Variants in ZNF484 observed in about 807,000 individuals in gnomAD.
ZNF484 encodes KRAB box containing C2H2 type zinc finger bA526D8.4.
In ZNF484, 11 loss-of-function variants were observed where a neutral mutation model predicts 12.9. The ratio of observed to expected loss-of-function variants is 0.85; its 90% CI spans 0.54 to 1.41. ZNF484 has a LOEUF of 1.41. ZNF484 is among the 40% of genes most tolerant of loss of function. ZNF484 has a pLI of 0.00. For missense variants in ZNF484, 807 were observed against 1,007.7 expected (o/e 0.80, Z 2.70); for synonymous variants, 289 against 334.1 (o/e 0.86, Z 1.47).
At chr9:92,859,090 C>T (rs920197190) in intron 2 of ZNF484, among the ~76,000 whole-genome samples, 6 of 152,064 alleles carry the variant, frequency 3.9e-5, no homozygotes, top group Admixed American at 3.3e-4. Flanking sequence ...TGCACCACTG[C>T]ACACCAGCCT....
chr9:92,859,728 G>C (rs1856668286), intron 2 of ZNF484, among the ~76,000 whole-genome samples: 2 of 152,082 alleles, frequency 1.3e-5, no homozygotes, highest in African/African-American at 4.8e-5. Context: ...CCACCCTCAG[G>C]TTCCACAATT....
At position 92,847,836 on chromosome 9, in the gene ZNF484, G is replaced by A. The variant is rs763297922; in HGVS notation, c.951C>T (p.Asn317=). The change falls in exon 5 of 5, where the codon AAC becomes AAT. Residue 317 remains asparagine, a synonymous_variant. Coordinates refer to ENST00000375495, the MANE Select transcript of ZNF484 (RefSeq NM_031486.4). ...TCCCCTCATAAGGAGTTTTCTGACG[G>A]TTTGACTTGAGGGAAAAATCCTTCT... ...EYEKDFSLKS[N]RQKTPYEGNY... 6.2e-7 allele frequency: 1 copy of A among 1,614,094 alleles called. No homozygotes were observed. Among genetic ancestry groups the A allele is most frequent in the East Asian group, 2.2e-5 (1 of 44,882 alleles).
At chr9:92,877,858 C>T in intron 1 of ZNF484, 32 bp downstream of exon 1, 2 of 1,535,826 alleles carry the variant, frequency 1.3e-6, no homozygotes, top group South Asian at 1.2e-5. Context: ...TCTTCTTGCT[C>T]AGTCCACAGA....
chr9:92,845,053 CATATGT>C lies in ZNF484; in HGVS notation c.*1169_*1174del, dbSNP rs1195301204. On this transcript the variant is annotated 3_prime_UTR_variant, in exon 5 of 5. Transcript: ENST00000375495. This position sits in a 1 kb window ranked among gnomAD's most constrained non-coding sequence, Gnocchi z 4.0. ...TACTAATTTACATTAGCTTTTAATC[CATATGT>C]ATATTAGTATCTGACATAGTACATT... 3.3e-5 allele frequency: 5 copies of C among 151,970 alleles called. No individual in the cohort carries two copies. The allele number at this position is 151,970 out of a possible 1,614,324, so 9.4% of individuals were successfully genotyped here. A position where few individuals can be genotyped will look rare whatever the true frequency, so the allele number is the denominator to read the frequency against.
In ZNF484 at chr9:92,847,230, A is replaced by G. The variant is rs753179634; in HGVS notation, c.1557T>C (p.Thr519=). 6.2e-7 allele frequency: 1 copy of G among 1,614,154 alleles called. No individual in the cohort carries two copies. Among genetic ancestry groups the G allele is most frequent in the Non-Finnish European group, 8.5e-7 (1 of 1,180,010 alleles). ...SNLIKHQKIH[T]GEKPYKCSDC... ...CGCTGCATTTATAAGGTTTCTCTCCAGTATGAATTTTTTGGTGCTTAATGA... is the reference window on the plus strand; with the variant it reads ...CGCTGCATTTATAAGGTTTCTCTCCGGTATGAATTTTTTGGTGCTTAATGA... Residue 519 remains threonine (T), a synonymous_variant, in exon 5 of 5, where the codon ACT becomes ACC. Transcript: ENST00000375495.
Position 92,847,484 on chromosome 9 carries a change from T to G in ZNF484, c.1303A>C (p.Thr435Pro). The change falls in exon 5 of 5, where the codon ACT (threonine) becomes CCT (proline). Residue 435 changes from threonine to proline, a missense_variant. By Grantham distance (38) the Thr-to-Pro change is conservative. Coordinates refer to ENST00000375495, the MANE Select transcript of ZNF484 (RefSeq NM_031486.4). ...CTGCATTCATAGGGTTTTTCTCCAG[T>G]ATGAATTCTTTCATGTGTGATAAAA... Reference protein sequence around the residue: ...SHFITHERIHTGEKPYECSDC... With the variant: ...SHFITHERIHPGEKPYECSDC... 6.2e-7 allele frequency: 1 copy of G among 1,612,856 alleles called. No homozygotes were observed. The highest frequency in any genetic ancestry group is 1.1e-5 in the South Asian group (1 of 90,750).
At chr9:92,871,168 C>T (rs1857406403) in intron 2 of ZNF484, among the ~76,000 whole-genome samples, 1 of 151,874 alleles carries the variant, frequency 6.6e-6, no homozygotes, top group South Asian at 2.1e-4. Context: ...AAGTAGTCCT[C>T]ATAAAAATGT....
At chr9:92,861,010 G>A (rs2118033244) in intron 2 of ZNF484, among the ~76,000 whole-genome samples, 1 of 152,276 alleles carries the variant, frequency 6.6e-6, no homozygotes, top group South Asian at 2.1e-4. Context: ...AGCTTTCAGG[G>A]CTGAACTAGG....
chr9:92,846,485 G>A lies in ZNF484; in HGVS notation c.2302C>T (p.Arg768Ter), dbSNP rs147797657. The A allele has an allele frequency of 2.4e-5, 39 of 1,613,830 alleles. No individual in the cohort carries two copies. Among genetic ancestry groups the A allele is most frequent in the Middle Eastern group, 1.6e-4 (1 of 6,080 alleles). Reference protein sequence around the residue: ...IKKSQLHEHHRIHTGEKPYIC... With the variant: ...IKKSQLHEHH ...TATGGTTTCTCTCCTGTGTGAATTC[G>A]ATGATGCTCATGGAGTTGTGATTTC... The change falls in exon 5 of 5, where the codon CGA (arginine) becomes TGA (stop). Residue 768 changes from arginine to a stop codon, truncating the protein, a stop_gained. Transcript: ENST00000375495. LOFTEE classifies it low-confidence loss of function (END_TRUNC).
intron 2 of ZNF484, among the ~76,000 whole-genome samples, chr9:92,865,776 GCATGCGTCTATAGTCC>G (rs1344367859): frequency 6.6e-6 from 1 of 152,136 alleles, no homozygotes; most frequent in Non-Finnish European, 1.5e-5. Context: ...AGGCATGGTG[GCATGCGTCTATAGTCC>G]CAGCTACTTG....
chr9:92,875,806 G>A (rs1857766193), intron 1 of ZNF484, among the ~76,000 whole-genome samples: 1 of 151,968 alleles, frequency 6.6e-6, no homozygotes, highest in Non-Finnish European at 1.5e-5. Flanking sequence ...AACAAATCAG[G>A]GGAAATTCTT....
At chr9:92,867,812 C>A (rs1387549276) in intron 2 of ZNF484, among the ~76,000 whole-genome samples, 1 of 152,210 alleles carries the variant, frequency 6.6e-6, no homozygotes, top group African/African-American at 2.4e-5. Flanking sequence ...CTGTAATGAA[C>A]TATAAGCATG....
chr9:92,856,721 C>T (rs1856485728), intron 2 of ZNF484, among the ~76,000 whole-genome samples: 1 of 151,998 alleles, frequency 6.6e-6, no homozygotes, highest in African/African-American at 2.4e-5. Flanking sequence ...AAAATCAATA[C>T]ATGGTACACT....
chr9:92,847,586 T>C lies in ZNF484; in HGVS notation c.1201A>G (p.Met401Val). 6.2e-7 allele frequency: 1 copy of C among 1,614,208 alleles called. No homozygotes were observed. Among genetic ancestry groups the C allele is most frequent in the Non-Finnish European group, 8.5e-7 (1 of 1,180,040 alleles). ...TCTCCTGTATGGATTTTCTGATGCA[T>C]ACTTAGTGTTGATTTCCTTGTGAAA... The part of the protein sequence containing the change: ...KAFTRKSTLS[M>V]HQKIHTGEKP... Residue 401 changes from methionine to valine, a missense_variant, in exon 5 of 5, where the codon ATG (methionine) becomes GTG (valine). Coordinates refer to ENST00000375495, the MANE Select transcript of ZNF484 (RefSeq NM_031486.4).
At chr9:92,853,385 T>C (rs1443166995) in intron 4 of ZNF484, among the ~76,000 whole-genome samples, 1 of 152,246 alleles carries the variant, frequency 6.6e-6, no homozygotes, top group African/African-American at 2.4e-5. Flanking sequence ...ACATGCTACA[T>C]TGTATCTTGT....
intron 2 of ZNF484, among the ~76,000 whole-genome samples, chr9:92,869,865 C>T (rs1857328026): frequency 6.6e-6 from 1 of 152,120 alleles, no homozygotes; most frequent in South Asian, 2.1e-4. Context: ...CCACAAAGAA[C>T]AATTTGACTA....
intron 2 of ZNF484, among the ~76,000 whole-genome samples, chr9:92,868,004 C>T: frequency 6.6e-6 from 1 of 152,150 alleles, no homozygotes; most frequent in Non-Finnish European, 1.5e-5. Context: ...TCTGGAGGTT[C>T]TAAAGGAATA....
At chr9:92,866,070 C>A (rs528153570) in intron 2 of ZNF484, among the ~76,000 whole-genome samples, 1 of 152,100 alleles carries the variant, frequency 6.6e-6, no homozygotes, top group Non-Finnish European at 1.5e-5. Flanking sequence ...GAACATAATA[C>A]TTTTCCTATT....
chr9:92,856,423 A>G (rs976160432), intron 2 of ZNF484, 105 bp from the exon 3 acceptor site: 1 of 839,200 alleles, frequency 1.2e-6, no homozygotes, highest in South Asian at 2.7e-5. Flanking sequence ...CAGAATGGAA[A>G]CAAGATAGGA....
Sources: gnomAD v4.1 joint callset for allele counts (sites outside exome capture counted in the v4.1 genomes callset) on GRCh38, gnomAD v4.1.1 for gene constraint, Gnocchi (gnomAD v3.1) non-coding constraint, MANE v1.5 for transcripts, NCBI Gene and HGNC (gene_info 2026-07-23, HGNC 2026-07-21) for gene names.